Variants in SNX18 observed in about 807,000 individuals in gnomAD.
SNX18 encodes sorting nexin 18.
A neutral mutation model predicts 48.7 loss-of-function variants in SNX18; 35 were observed. The observed-to-expected ratio is 0.72, with a 90% CI of 0.55 to 0.95. SNX18 has a LOEUF of 0.95. SNX18 is among the 40% of genes least tolerant of loss of function. The probability of loss-of-function intolerance (pLI) is 0.00; values close to 1 mark genes in which losing one functional copy is unlikely to be tolerated. For synonymous variants in SNX18, 492 were observed against 384.7 expected, an observed-to-expected ratio of 1.28 and a Z score of -3.26; for missense variants, 824 against 871.0, an observed-to-expected ratio of 0.95 and a Z score of 0.68.
the SNX18 span, among the ~76,000 whole-genome samples, chr5:54,560,685 T>A: frequency 6.6e-6 from 1 of 152,150 alleles, no homozygotes; most frequent in African/African-American, 2.4e-5. Context: ...ATAAACTAAA[T>A]CACTTTGTGT....
At chr5:54,587,794 A>G in the SNX18 span, among the ~76,000 whole-genome samples, 1 of 151,758 alleles carries the variant, frequency 6.6e-6, no homozygotes, top group East Asian at 1.9e-4. Flanking sequence ...ACCTATTTCC[A>G]TTCTTTCACT....
the SNX18 span, among the ~76,000 whole-genome samples, chr5:54,603,021 A>G: frequency 6.6e-6 from 1 of 151,996 alleles, no homozygotes; most frequent in East Asian, 1.9e-4. Flanking sequence ...TGGGGGAGAA[A>G]CCTCATGGCA....
chr5:54,640,917 G>T, the SNX18 span, among the ~76,000 whole-genome samples: 1 of 152,148 alleles, frequency 6.6e-6, no homozygotes, highest in Non-Finnish European at 1.5e-5. Flanking sequence ...AAAATTAGCT[G>T]AGTGTGGTGG....
At chr5:54,567,157 TA>T in the SNX18 span, among the ~76,000 whole-genome samples, 90 of 152,194 alleles carry the variant, frequency 5.9e-4, no homozygotes, top group Admixed American at 1.4e-3. Flanking sequence ...ACTTTGTCAT[TA>T]AGGTTAAATA....
In SNX18 at chr5:54,543,521, A is replaced by G. The variant is rs956326256; in HGVS notation, c.*89A>G. The G allele has an allele frequency of 6.7e-6, 10 of 1,486,204 alleles. No homozygotes were observed. The highest frequency in any genetic ancestry group is 9.1e-6 in the Non-Finnish European group (10 of 1,094,538). 92.1% of individuals were successfully genotyped at this position (1,486,204 alleles called of 1,614,324 possible). On this transcript the variant is annotated 3_prime_UTR_variant, in exon 2 of 2. Coordinates refer to ENST00000381410, the MANE Select transcript of SNX18 (RefSeq NM_001102575.2). ...TGCTGTCAAAGAGCTATTGCCAGCT[A>G]TCAGTGGTGGTACAAGGACGGTTTT...
Position 54,518,164 on chromosome 5 carries a change from G to GCCCGGGCGC in SNX18, c.218_226dup (p.Gly73_Pro75dup). 4 of 1,387,600 alleles carry GCCCGGGCGC rather than the reference G, an allele frequency of 2.9e-6. No homozygotes were observed. Among genetic ancestry groups the GCCCGGGCGC allele is most frequent in the Non-Finnish European group, 3.7e-6 (4 of 1,077,978 alleles). 86.0% of individuals were successfully genotyped at this position (1,387,600 alleles called of 1,614,324 possible). On this transcript the variant is annotated inframe_insertion, in exon 1 of 2. Coordinates refer to ENST00000381410, the MANE Select transcript of SNX18 (RefSeq NM_001102575.2). ...GAGCCTGGCCCGGCGGGAGACGGCG[G>GCCCGGGCGC]CCCGGGCGCCCCGGCCCGCTACGCC... is the stretch of plus-strand genomic sequence containing the variant.
chr5:54,524,017 G>A (rs1426335373), intron 1 of SNX18, among the ~76,000 whole-genome samples: 1 of 152,156 alleles, frequency 6.6e-6, no homozygotes, highest in Non-Finnish European at 1.5e-5. Flanking sequence ...AATTGAGGCT[G>A]TTCATTCTTT....
At chr5:54,636,283 A>G in the SNX18 span, among the ~76,000 whole-genome samples, 6 of 152,064 alleles carry the variant, frequency 3.9e-5, no homozygotes, top group Non-Finnish European at 1.5e-5. Flanking sequence ...TACTGATATC[A>G]CTTTTTCATT....
chr5:54,549,738 A>G (rs1004101727), downstream of SNX18, among the ~76,000 whole-genome samples: 1 of 152,234 alleles, frequency 6.6e-6, no homozygotes, highest in Non-Finnish European at 1.5e-5. Flanking sequence ...GACCTAGGAC[A>G]GAGAGAGGCA....
chr5:54,548,987 A>G (rs909582245), downstream of SNX18, among the ~76,000 whole-genome samples: 9 of 152,232 alleles, frequency 5.9e-5, no homozygotes, highest in African/African-American at 2.2e-4. Context: ...GCCTAATACA[A>G]TGTCAGGGCT....
chr5:54,518,911 ACG>A lies in SNX18; in HGVS notation c.965_966del (p.Arg322ProfsTer29). On this transcript the variant is annotated frameshift_variant, in exon 1 of 2. Transcript: ENST00000381410. LOFTEE classifies it high-confidence loss of function. ...CGCTACAAGCACTTCGACTGGCTGTACGCGCGCCTGGCGGAGAAGTTCCCGGT... is the reference window on the plus strand; with the variant it reads ...CGCTACAAGCACTTCGACTGGCTGTACGCGCCTGGCGGAGAAGTTCCCGGT... 1 of 1,613,942 alleles carries A rather than the reference ACG, an allele frequency of 6.2e-7. No homozygotes were observed. Among genetic ancestry groups the A allele is most frequent in the Non-Finnish European group, 8.5e-7 (1 of 1,180,034 alleles).
the SNX18 span, among the ~76,000 whole-genome samples, chr5:54,641,067 G>GA: frequency 1.3e-3 from 195 of 148,570 alleles, no homozygotes; most frequent in African/African-American, 3.6e-3. Context: ...CTCATAAAAA[G>GA]AAAAAAAAAA....
At chr5:54,524,541 T>G (rs1054568140) in intron 1 of SNX18, among the ~76,000 whole-genome samples, 5 of 152,240 alleles carry the variant, frequency 3.3e-5, no homozygotes, top group Non-Finnish European at 7.3e-5. Flanking sequence ...CTTGAACTAT[T>G]TAATATGTTC....
the SNX18 span, among the ~76,000 whole-genome samples, chr5:54,582,472 G>C: frequency 4.9e-3 from 747 of 152,150 alleles, 5 homozygotes; most frequent in Middle Eastern, 0.024. Flanking sequence ...TGTAGAATCT[G>C]TTTGGGCTGG....
chr5:54,645,450 C>T, the SNX18 span: 2 of 152,202 alleles, frequency 1.3e-5, no homozygotes, highest in African/African-American at 4.8e-5. Context: ...CCCTCCTGGG[C>T]TAGGGAGTAA....
At chr5:54,616,083 G>T in the SNX18 span, among the ~76,000 whole-genome samples, 290 of 152,286 alleles carry the variant, frequency 1.9e-3, 4 homozygotes, top group Admixed American at 0.017. Flanking sequence ...CCCAGAAATT[G>T]TCTTAGAGAA....
At chr5:54,581,969 G>T in the SNX18 span, among the ~76,000 whole-genome samples, 6 of 152,302 alleles carry the variant, frequency 3.9e-5, no homozygotes, top group South Asian at 8.3e-4. Context: ...TGAGCTTGGG[G>T]GATTCACTTC....
the SNX18 span, among the ~76,000 whole-genome samples, chr5:54,574,789 G>C: frequency 3.4e-3 from 511 of 152,138 alleles, 7 homozygotes; most frequent in African/African-American, 0.012. Flanking sequence ...ATGTATGAAG[G>C]GCTGGAACCA....
At chr5:54,581,427 A>G in the SNX18 span, among the ~76,000 whole-genome samples, 1 of 151,986 alleles carries the variant, frequency 6.6e-6, no homozygotes, top group African/African-American at 2.4e-5. Context: ...ACACAAGCAG[A>G]AATGAGGGTT....
Sources: gnomAD v4.1 joint callset for allele counts (sites outside exome capture counted in the v4.1 genomes callset) on GRCh38, gnomAD v4.1.1 for gene constraint, MANE v1.5 for transcripts, NCBI Gene and HGNC (gene_info 2026-07-23, HGNC 2026-07-21) for gene names.